MGST1: variants seen among roughly 807,000 people sequenced by gnomAD.
MGST1 encodes glutathione S-transferase 12.
MGST1 carries 5 observed loss-of-function variants against 8.9 expected under a neutral mutation model. The observed-to-expected ratio is 0.56, with a 90% confidence interval of 0.29 to 1.19. The LOEUF is 1.19. Among genes scored for constraint, MGST1 ranks in the 50% most tolerant of loss-of-function variants. The probability of loss-of-function intolerance (pLI) is 0.08; values close to 1 mark genes in which losing one functional copy is unlikely to be tolerated. For missense variants in MGST1, 182 were observed against 187.4 expected, an observed-to-expected ratio of 0.97 and a Z score of 0.17; for synonymous variants, 54 against 67.8, an observed-to-expected ratio of 0.80 and a Z score of 1.00.
chr12:16,495,754 A>C (rs763027218), intron 4 of MGST1, among the ~76,000 whole-genome samples: 1 of 151,700 alleles, frequency 6.6e-6, no homozygotes, highest in Non-Finnish European at 1.5e-5. Flanking sequence ...GTGTTTCTCC[A>C]AAACTGTATT....
intron 1 of MGST1, among the ~76,000 whole-genome samples, chr12:16,415,168 A>C (rs1013041089): frequency 3.3e-5 from 5 of 152,212 alleles, no homozygotes; most frequent in Non-Finnish European, 7.3e-5. Context: ...TGGTCAGATA[A>C]GATGTCTTAT....
chr12:16,452,859 G>T (rs1226760615), intron 4 of MGST1, among the ~76,000 whole-genome samples: 1 of 151,910 alleles, frequency 6.6e-6, no homozygotes, highest in Non-Finnish European at 1.5e-5. Context: ...ACTAATAGCA[G>T]TCCTAGTGGT....
chr12:16,394,273 TTTC>T (rs1427456943), intron 1 of MGST1, among the ~76,000 whole-genome samples: 1 of 151,804 alleles, frequency 6.6e-6, no homozygotes, highest in Non-Finnish European at 1.5e-5. Context: ...GCAAGTATCT[TTTC>T]TTTTTTTTCT....
At position 16,500,152 on chromosome 12, in the gene MGST1, C is replaced by T. The variant is rs941302234; in HGVS notation, n.483-89376C>T. Among the ~76,000 whole-genome samples, 16 of 151,592 alleles carry T rather than the reference C, an allele frequency of 1.1e-4. No individual in the cohort carries two copies. The highest frequency in any genetic ancestry group is 1.8e-4 in the Non-Finnish European group (12 of 67,900). ...CAGAGAAGTTTTCTTTTTTCCAAAT[C>T]GAGTGTTTACTTTTCTTCTATCTTA... On this transcript the variant is annotated intron_variant and non_coding_transcript_variant, in intron 4 of 4. Transcript: ENST00000538857. This position sits in a 1 kb window ranked among gnomAD's most constrained non-coding sequence, Gnocchi z 4.3.
chr12:16,446,542 T>C (rs1363916427), intron 4 of MGST1, among the ~76,000 whole-genome samples: 2 of 151,898 alleles, frequency 1.3e-5, no homozygotes, highest in African/African-American at 4.8e-5. Flanking sequence ...CTATTAACCA[T>C]CTCCACAACT....
At chr12:16,451,218 C>T (rs1256998811) in intron 4 of MGST1, among the ~76,000 whole-genome samples, 3 of 151,764 alleles carry the variant, frequency 2.0e-5, no homozygotes, top group Non-Finnish European at 4.4e-5. Flanking sequence ...TTAAAGCAAT[C>T]AAACAATTTA....
intron 4 of MGST1, among the ~76,000 whole-genome samples, chr12:16,557,367 ATTT>A (rs68115649): frequency 3.8e-4 from 54 of 142,740 alleles, no homozygotes; most frequent in African/African-American, 1.2e-3. Flanking sequence ...GGTGGCAAGG[ATTT>A]TTTTTTTTTT....
At chr12:16,480,406 G>C (rs1306957727) in intron 4 of MGST1, among the ~76,000 whole-genome samples, 2 of 152,094 alleles carry the variant, frequency 1.3e-5, no homozygotes, top group Non-Finnish European at 2.9e-5. Flanking sequence ...CTCCCAAAGT[G>C]CTGGGATTAC....
chr12:16,588,453 T>C (rs1943391066), intron 4 of MGST1, among the ~76,000 whole-genome samples: 1 of 152,050 alleles, frequency 6.6e-6, no homozygotes, highest in African/African-American at 2.4e-5. Flanking sequence ...TTCTACTCTA[T>C]GGAATATTAA....
At chr12:16,433,839 T>C (rs935555521) in intron 1 of MGST1, among the ~76,000 whole-genome samples, 1 of 152,130 alleles carries the variant, frequency 6.6e-6, no homozygotes, top group African/African-American at 2.4e-5. Flanking sequence ...GTTGATTATA[T>C]GTATGTTTCT....
intron 4 of MGST1, among the ~76,000 whole-genome samples, chr12:16,444,570 C>G (rs1246933070): frequency 6.6e-6 from 1 of 151,856 alleles, no homozygotes; most frequent in Non-Finnish European, 1.5e-5. Flanking sequence ...TTCAGCTTAT[C>G]CTCACATACA....
At chr12:16,377,865 G>T (rs1340642406), downstream of MGST1, among the ~76,000 whole-genome samples, 5 of 150,900 alleles carry the variant, frequency 3.3e-5, no homozygotes, top group Admixed American at 6.6e-5. Context: ...GTATCTCATT[G>T]TGGTTTTGAT....
At chr12:16,421,904 T>G (rs1940839322) in intron 1 of MGST1, among the ~76,000 whole-genome samples, 1 of 152,180 alleles carries the variant, frequency 6.6e-6, no homozygotes, top group Non-Finnish European at 1.5e-5. Context: ...TGTTCTGGTT[T>G]CATTGAGGGA....
At chr12:16,436,461 C>G (rs960276539) in intron 1 of MGST1, among the ~76,000 whole-genome samples, 12 of 151,948 alleles carry the variant, frequency 7.9e-5, no homozygotes, top group African/African-American at 2.9e-4. Context: ...AAATACATTG[C>G]ATACGTCTTT....
intron 4 of MGST1, among the ~76,000 whole-genome samples, chr12:16,542,785 T>C (rs920154346): frequency 4.6e-5 from 7 of 152,198 alleles, no homozygotes; most frequent in African/African-American, 1.7e-4. Flanking sequence ...CTTCTTGAAC[T>C]TTGGCATTAG....
chr12:16,392,502 A>G (rs1940561757), intron 1 of MGST1, among the ~76,000 whole-genome samples: 1 of 152,218 alleles, frequency 6.6e-6, no homozygotes, highest in South Asian at 2.1e-4. Context: ...GCTAACTGGT[A>G]GTTCCATACA....
chr12:16,482,932 A>G lies in MGST1; in HGVS notation n.482+99328A>G, dbSNP rs2137147011. ...TTCATGACGTGCTCTGGCTCAAATA[A>G]TTCATGAGTCCTCCAAGTAAGACTA... On this transcript the variant is annotated intron_variant and non_coding_transcript_variant, in intron 4 of 4. Transcript: ENST00000538857. The surrounding 1 kb of genome is among the most constrained non-coding windows in gnomAD (Gnocchi z 4.2). Among the ~76,000 whole-genome samples the G allele has an allele frequency of 6.6e-6, 1 of 152,300 alleles. No homozygotes were observed. The highest frequency in any genetic ancestry group is 2.1e-4 in the South Asian group (1 of 4,826).
intron 3 of MGST1, chr12:16,370,452 T>G (rs1056125854): frequency 6.6e-6 from 1 of 152,160 alleles, no homozygotes; most frequent in Non-Finnish European, 1.5e-5. Context: ...GACCAGAGAA[T>G]ATTGCTGGCC....
At chr12:16,418,411 G>A (rs1241777095) in intron 1 of MGST1, among the ~76,000 whole-genome samples, 1 of 152,062 alleles carries the variant, frequency 6.6e-6, no homozygotes, top group East Asian at 1.9e-4. Context: ...ATGGAAGTTG[G>A]GAATGGCTAA....
Sources: gnomAD v4.1 joint callset for allele counts (sites outside exome capture counted in the v4.1 genomes callset) on GRCh38, gnomAD v4.1.1 for gene constraint, Gnocchi (gnomAD v3.1) non-coding constraint, MANE v1.5 for transcripts, NCBI Gene and HGNC (gene_info 2026-07-23, HGNC 2026-07-21) for gene names.